The following ARHGAP21 variants were observed in gnomAD, a reference collection of about 807,000 sequenced individuals.
The protein encoded by ARHGAP21 is Rho GTPase activating protein 21, also known as rho GTPase-activating protein 21.
A neutral mutation model predicts 164.6 loss-of-function variants in ARHGAP21; 38 were observed. The ratio of observed to expected loss-of-function variants is 0.23; its 90% CI spans 0.18 to 0.30. The LOEUF (loss-of-function observed/expected upper bound fraction) is 0.30. Ranked by LOEUF, ARHGAP21 falls within the 10% of genes least tolerant of loss-of-function variation. The pLI is 1.00. For synonymous variants in ARHGAP21, 766 were observed against 857.9 expected (o/e 0.89, Z 1.87); for missense variants, 1,822 against 2,370.7 (o/e 0.77, Z 4.81).
chr10:24,653,367 A>T (rs894072344), intron 4 of ARHGAP21, among the ~76,000 whole-genome samples: 1 of 151,988 alleles, frequency 6.6e-6, no homozygotes, highest in Non-Finnish European at 1.5e-5. Context: ...GAGGTCAGGA[A>T]ATCGAGACCA....
At chr10:24,604,159 T>C (rs986996452) in intron 12 of ARHGAP21, among the ~76,000 whole-genome samples, 153 bp downstream of exon 12, 5 of 152,064 alleles carry the variant, frequency 3.3e-5, no homozygotes, top group Non-Finnish European at 5.9e-5. Context: ...CTTGAACTGA[T>C]AAAGTCAGAA....
Position 24,585,776 on chromosome 10 carries a change from G to T in ARHGAP21, c.4513C>A (p.Pro1505Thr). The T allele has an allele frequency of 6.2e-7, 1 of 1,613,996 alleles. No homozygotes were observed. The highest frequency in any genetic ancestry group is 8.5e-7 in the Non-Finnish European group (1 of 1,179,894). ...KESTPSEEPS[P>T]PHNSKHNKSP... ...TTGTTGTGTTTTGAGTTGTGTGGTGGTGAGGGTTCTTCAGAAGGCGTGCTC... is the reference window on the plus strand; with the variant it reads ...TTGTTGTGTTTTGAGTTGTGTGGTGTTGAGGGTTCTTCAGAAGGCGTGCTC... The change falls in exon 26 of 26, where the codon CCA becomes ACA. Residue 1505 changes from proline to threonine, a missense_variant. This residue lies in a region of ARHGAP21 where 333 missense variants were observed against 383.9 expected (regional missense o/e 0.87). Transcript: ENST00000396432.
At chr10:24,693,273 AT>A (rs1842893200) in intron 2 of ARHGAP21, among the ~76,000 whole-genome samples, 2 of 152,156 alleles carry the variant, frequency 1.3e-5, no homozygotes, top group South Asian at 2.1e-4. Context: ...CATGAATCTG[AT>A]TGTCATTGTC....
In ARHGAP21 at chr10:24,584,295, G is replaced by A. The variant is rs930359311; in HGVS notation, c.*117C>T. The A allele has an allele frequency of 1.6e-6, 2 of 1,228,888 alleles. No homozygotes were observed. The highest frequency in any genetic ancestry group is 1.5e-5 in the African/African-American group (1 of 66,106). The allele number at this position is 1,228,888 out of a possible 1,614,324, so 76.1% of individuals were successfully genotyped here. Reference sequence around the variant, plus strand: ...AAGCTATTTCACAGTGCAAAATGATGAAACCAGCCCAAATGAAGGCTGCAT... The same window carrying A: ...AAGCTATTTCACAGTGCAAAATGATAAAACCAGCCCAAATGAAGGCTGCAT... On this transcript the variant is annotated 3_prime_UTR_variant, in exon 26 of 26. Coordinates refer to ENST00000396432, the MANE Select transcript of ARHGAP21 (RefSeq NM_020824.4).
intron 2 of ARHGAP21, among the ~76,000 whole-genome samples, chr10:24,671,155 C>T (rs1226956365): frequency 6.6e-6 from 1 of 152,186 alleles, no homozygotes; most frequent in African/African-American, 2.4e-5. Context: ...TCAATTCACT[C>T]CTTTACCCTC....
At position 24,629,607 on chromosome 10, in the gene ARHGAP21, AT is replaced by A. The variant is rs201599192; in HGVS notation, c.495+388del. 7.4e-3 allele frequency: 1,133 copies of A among 152,722 alleles called. 11 individuals carry two copies. Among genetic ancestry groups the A allele is most frequent in the East Asian group, 0.045 (227 of 5,046 alleles). 9.5% of individuals were successfully genotyped at this position (152,722 alleles called of 1,614,324 possible). On this transcript the variant is annotated intron_variant, in intron 7 of 25. Transcript: ENST00000396432. ...CCTCGTATTACAAAAATAAGATTCT[AT>A]TTTTTTTTTTTCTCTGTACATAGTG...
intron 14 of ARHGAP21, 108 bp downstream of exon 14, chr10:24,600,538 T>C (rs2076771882): frequency 1.5e-6 from 2 of 1,328,206 alleles, no homozygotes; most frequent in South Asian, 3.2e-5. Context: ...TACATGAAAA[T>C]AGCACATTAT....
intron 11 of ARHGAP21, chr10:24,605,779 T>C (rs1307743548): frequency 6.6e-6 from 1 of 151,926 alleles, no homozygotes. Context: ...GAAAATCTGA[T>C]TTTAAGGTTC....
rs149888047 is a variant in ARHGAP21, at chr10:24,600,838, C to T, written c.2940G>A (p.Thr980=). ...LYLYKDKREQ[T]TPSEEEQPIS... ...TGGGCTGCTCTTCCTCAGACGGAGTCGTCTGCTCTCTTTTATCTTTGTACA... is the reference window on the plus strand; with the variant it reads ...TGGGCTGCTCTTCCTCAGACGGAGTTGTCTGCTCTCTTTTATCTTTGTACA... The change falls in exon 14 of 26, where the codon ACG becomes ACA. Residue 980 remains threonine (T), a synonymous_variant. Coordinates refer to ENST00000396432, the MANE Select transcript of ARHGAP21 (RefSeq NM_020824.4). 2.7e-5 allele frequency: 44 copies of T among 1,614,146 alleles called. No individual in the cohort carries two copies. In the African/African-American group the frequency reaches 4.7e-4, roughly 17 times the overall value.
At chr10:24,669,134 T>C (rs1450308512) in intron 3 of ARHGAP21, among the ~76,000 whole-genome samples, 2 of 152,124 alleles carry the variant, frequency 1.3e-5, no homozygotes, top group African/African-American at 4.8e-5. Context: ...GATATTCAGT[T>C]GTTTCCTGTT....
At chr10:24,677,941 C>G (rs984438933) in intron 2 of ARHGAP21, among the ~76,000 whole-genome samples, 4 of 152,036 alleles carry the variant, frequency 2.6e-5, no homozygotes, top group African/African-American at 9.7e-5. Flanking sequence ...CATTTTGAGA[C>G]AACTGTAGAT....
chr10:24,638,551 TC>T lies in ARHGAP21; in HGVS notation c.269-3449del, dbSNP rs373176331. ...GTGGTAATTCACCAGGAAAAGTGACTCCTTACTTCCCTGTATGATTACTTAG... is the reference window on the plus strand; with the variant it reads ...GTGGTAATTCACCAGGAAAAGTGACTCTTACTTCCCTGTATGATTACTTAG... On this transcript the variant is annotated intron_variant, in intron 4 of 25. Transcript: ENST00000396432. Among the ~76,000 whole-genome samples, 97 of 152,342 alleles carry T rather than the reference TC, an allele frequency of 6.4e-4. 1 individual carries two copies. The East Asian group carries it at 0.018, about 28-fold the overall frequency.
At chr10:24,625,694 T>C (rs1395552694) in intron 7 of ARHGAP21, among the ~76,000 whole-genome samples, 1 of 152,188 alleles carries the variant, frequency 6.6e-6, no homozygotes, top group Non-Finnish European at 1.5e-5. Context: ...ACATGTACAC[T>C]TGACAAATGG....
intron 2 of ARHGAP21, among the ~76,000 whole-genome samples, chr10:24,720,163 A>G (rs2132340631): frequency 6.6e-6 from 1 of 152,150 alleles, no homozygotes; most frequent in East Asian, 1.9e-4. Context: ...TTGTTAATAA[A>G]AGCCAAGTGT....
chr10:24,658,194 T>A (rs1360531464), intron 4 of ARHGAP21, among the ~76,000 whole-genome samples: 1 of 152,118 alleles, frequency 6.6e-6, no homozygotes, highest in Admixed American at 6.6e-5. Flanking sequence ...GGAGAGGATG[T>A]AGAGAAACAG....
intron 9 of ARHGAP21, among the ~76,000 whole-genome samples, chr10:24,609,023 C>A (rs1443335579): frequency 6.6e-6 from 1 of 152,128 alleles, no homozygotes; most frequent in Non-Finnish European, 1.5e-5. Flanking sequence ...AAAGTTTCTT[C>A]AAATGATACA....
At chr10:24,642,544 CAA>C (rs1178057059) in intron 4 of ARHGAP21, among the ~76,000 whole-genome samples, 1 of 141,262 alleles carries the variant, frequency 7.1e-6, no homozygotes, top group African/African-American at 2.6e-5. Context: ...AAGGAAGAAA[CAA>C]AATCCTTCAA....
intron 2 of ARHGAP21, among the ~76,000 whole-genome samples, chr10:24,717,671 G>A (rs979929428): frequency 6.6e-6 from 1 of 152,152 alleles, no homozygotes; most frequent in Non-Finnish European, 1.5e-5. Flanking sequence ...CAGAAGCGCG[G>A]ACCAAATTAC....
chr10:24,607,696 G>A lies in ARHGAP21; in HGVS notation c.2581+49C>T, dbSNP rs761422879. The A allele has an allele frequency of 3.7e-6, 6 of 1,610,870 alleles. No individual in the cohort carries two copies. The South Asian group carries it at 6.6e-5, about 18-fold the overall frequency. On this transcript the variant is annotated intron_variant, in intron 10 of 25. Transcript: ENST00000396432. ...ATCAGTTTATCATACTATTCTAAGT[G>A]GAAAACAGAGCATGAGATACGGTTT...
Sources: gnomAD v4.1 joint callset for allele counts (sites outside exome capture counted in the v4.1 genomes callset) on GRCh38, gnomAD v4.1.1 for gene constraint, gnomAD v4.1.1 regional missense constraint, MANE v1.5 for transcripts, NCBI Gene and HGNC (gene_info 2026-07-23, HGNC 2026-07-21) for gene names.